ODF2: variants seen among roughly 807,000 people sequenced by gnomAD.
ODF2 encodes the protein outer dense fiber of sperm tails 2.
In ODF2, 47 loss-of-function variants were observed where a neutral mutation model predicts 110.2. The ratio of observed to expected loss-of-function variants is 0.43; its 90% CI spans 0.34 to 0.54. The LOEUF is 0.54. Ranked by LOEUF, ODF2 falls within the 20% of genes least tolerant of loss-of-function variation. The pLI is 0.03. For missense variants in ODF2, 812 were observed against 1,054.5 expected (o/e 0.77, Z 3.19); for synonymous variants, 352 against 397.7 (o/e 0.89, Z 1.37).
chr9:128,460,290 T>C, intron 3 of ODF2: 1 of 1,383,610 alleles, frequency 7.2e-7, no homozygotes, highest in Non-Finnish European at 9.5e-7. Flanking sequence ...TGGGATCTGT[T>C]CTGGAACGGG....
intron 8 of ODF2, among the ~76,000 whole-genome samples, chr9:128,481,354 G>A (rs1364989335): frequency 6.6e-6 from 1 of 151,916 alleles, no homozygotes; most frequent in Non-Finnish European, 1.5e-5. Context: ...GTGCATGCTT[G>A]TTGTTCCAGC....
Position 128,499,982 on chromosome 9 carries a change from C to G in ODF2, c.2302-85C>G. ...ACACTCGCCTCCCCAAACCTCCTGG[C>G]AACTCCTAAGAAAGTCCCTATGTCT... On this transcript the variant is annotated intron_variant, in intron 20 of 20. Transcript: ENST00000604420. The G allele has an allele frequency of 2.7e-6, 4 of 1,468,062 alleles. No individual in the cohort carries two copies. In the South Asian group the frequency reaches 5.0e-5, roughly 18 times the overall value. 90.9% of individuals were successfully genotyped at this position (1,468,062 alleles called of 1,614,324 possible). A position where few individuals can be genotyped will look rare whatever the true frequency, so the allele number is the denominator to read the frequency against.
At chr9:128,496,245 G>A (rs1028396458) in intron 18 of ODF2, 104 bp downstream of exon 18, 4 of 1,560,364 alleles carry the variant, frequency 2.6e-6, no homozygotes, top group Admixed American at 1.9e-5. Flanking sequence ...GGGACTCGAG[G>A]CCCTGGAAGG....
intron 1 of ODF2, chr9:128,457,090 G>C: frequency 7.3e-7 from 1 of 1,362,266 alleles, no homozygotes; most frequent in Non-Finnish European, 9.6e-7. Flanking sequence ...CTCCGCGTGG[G>C]ACCCGGGCGC....
intron 7 of ODF2, 127 bp from the exon 8 acceptor site, chr9:128,473,483 C>T: frequency 6.9e-7 from 1 of 1,459,656 alleles, no homozygotes. Context: ...CCCTTGATCA[C>T]CTTGGCACTG....
intron 7 of ODF2, 49 bp from the exon 8 acceptor site, chr9:128,473,561 T>C (rs753564249): frequency 5.0e-6 from 8 of 1,607,226 alleles, no homozygotes; most frequent in Non-Finnish European, 6.8e-6. Context: ...TGGGGCCTGC[T>C]TCTTCCCTTC....
chr9:128,477,918 A>G (rs568925145), intron 8 of ODF2, among the ~76,000 whole-genome samples: 1 of 152,198 alleles, frequency 6.6e-6, no homozygotes, highest in Admixed American at 6.5e-5. Flanking sequence ...CCAGCTTTTA[A>G]AATAAGTGTC....
At chr9:128,456,071 CG>C (rs562304774), upstream of ODF2, 214 of 1,518,244 alleles carry the variant, frequency 1.4e-4, 2 homozygotes, top group South Asian at 2.0e-3. Flanking sequence ...AAGCGGCTCC[CG>C]GGGGGGTTTG....
intron 4 of ODF2, chr9:128,468,904 A>G (rs1206438116): frequency 1.4e-5 from 5 of 355,242 alleles, no homozygotes; most frequent in East Asian, 5.5e-5. Flanking sequence ...CGGCCTCCCA[A>G]TATACTGGTT....
In ODF2 at chr9:128,494,645, A is replaced by G. The variant is rs772549261; in HGVS notation, c.1888A>G (p.Ile630Val). ...GCGGAAGAACATCGACCTCACAGCC[A>G]TCATATCAGACCTGCGCAGCCGGGT... Residue 630 changes from isoleucine (I) to valine (V), a missense_variant, in exon 17 of 21, where the codon ATC becomes GTC. Transcript: ENST00000604420. This position sits in a 1 kb window ranked among gnomAD's most constrained non-coding sequence, Gnocchi z 4.6. The G allele has an allele frequency of 1.1e-5, 17 of 1,614,056 alleles. No individual in the cohort carries two copies. In the South Asian group the frequency reaches 1.6e-4, roughly 16 times the overall value.
rs928967848 is a variant in ODF2 at position 128,466,010 on chromosome 9, G to A, written c.250-3173G>A. Among the ~76,000 whole-genome samples, 40 of 151,696 alleles carry A rather than the reference G, an allele frequency of 2.6e-4. 1 individual carries two copies. The highest frequency in any genetic ancestry group is 2.3e-3 in the Admixed American group (35 of 15,190). On this transcript the variant is annotated intron_variant, in intron 4 of 20. Coordinates refer to ENST00000604420, the Ensembl canonical transcript of ODF2. ...CAAAAATTACCCTGGCGTGGTGGTCGCGCCACCAATATCAGCTACACAGAA... is the reference window on the plus strand; with the variant it reads ...CAAAAATTACCCTGGCGTGGTGGTCACGCCACCAATATCAGCTACACAGAA...
chr9:128,476,092 C>A (rs1002987040), intron 8 of ODF2, among the ~76,000 whole-genome samples: 1 of 150,258 alleles, frequency 6.7e-6, no homozygotes, highest in Admixed American at 6.7e-5. Context: ...CATTGTGTAT[C>A]TCTACTGCGT....
chr9:128,456,391 C>G (rs532971485), intron 1 of ODF2, 136 bp downstream of exon 1: 1 of 1,444,352 alleles, frequency 6.9e-7, no homozygotes, highest in African/African-American at 1.5e-5. Flanking sequence ...CGCTCGTCCC[C>G]CTCCTGTCAG....
chr9:128,492,422 C>T lies in ODF2; in HGVS notation c.1537-4C>T, dbSNP rs779599961. 1 of 1,610,354 alleles carries T rather than the reference C, an allele frequency of 6.2e-7. No homozygotes were observed. Among genetic ancestry groups the T allele is most frequent in the South Asian group, 1.1e-5 (1 of 90,942 alleles). On this transcript the variant is annotated splice_polypyrimidine_tract_variant and splice_region_variant and intron_variant, in intron 14 of 20. Transcript: ENST00000604420. ...GTGGGTTACTCATGAGCCATCCCTT[C>T]CAGGCCAGCTTTGCTCCAATGGAGG... is the stretch of plus-strand genomic sequence containing the variant.
rs987180632 is a variant in ODF2, at chr9:128,487,814, C to A, written c.1401-76C>A. 2.4e-3 allele frequency: 3,220 copies of A among 1,362,798 alleles called. 10 individuals are homozygous for A. Among genetic ancestry groups the A allele is most frequent in the African/African-American group, 7.2e-3 (481 of 66,702 alleles). The allele number at this position is 1,362,798 out of a possible 1,614,324, so 84.4% of individuals were successfully genotyped here. ...AAAACAAACAAACAAAACACACACACACACACACACACACACACACAAACA... is the reference window on the plus strand; with the variant it reads ...AAAACAAACAAACAAAACACACACAAACACACACACACACACACACAAACA... On this transcript the variant is annotated intron_variant, in intron 13 of 20. Transcript: ENST00000604420.
intron 8 of ODF2, among the ~76,000 whole-genome samples, 160 bp from the exon 9 acceptor site, chr9:128,481,420 T>C (rs572038773): frequency 6.6e-6 from 1 of 150,800 alleles, no homozygotes; most frequent in South Asian, 2.1e-4. Context: ...CAGGCTGCAG[T>C]GAGCCATGAT....
chr9:128,495,499 C>T (rs966212744), intron 17 of ODF2, among the ~76,000 whole-genome samples: 3 of 152,244 alleles, frequency 2.0e-5, no homozygotes, highest in Non-Finnish European at 2.9e-5. Context: ...CTGCCTTCTC[C>T]GTTGAACCTG....
At position 128,460,985 on chromosome 9, in the gene ODF2, G is replaced by A. The variant is rs769951626; in HGVS notation, c.167G>A (p.Arg56Gln). 116 of 1,614,004 alleles carry A rather than the reference G, an allele frequency of 7.2e-5. No homozygotes were observed. In the South Asian group the frequency reaches 9.2e-4, roughly 13 times the overall value. ...ATGAAAGGGGACACTGTGAATGTGC[G>A]GCGGAGTGTCCGGGTGAAAACCAAG... is the stretch of plus-strand genomic sequence containing the variant. Residue 56 changes from arginine (R) to glutamine (Q), a missense_variant, in exon 4 of 21, where the codon CGG (arginine) becomes CAG (glutamine). Around this residue, in one of 5 missense-constraint regions of ODF2, gnomAD observed 121 missense variants for 123.7 expected, o/e 0.98. Transcript: ENST00000604420.
intron 9 of ODF2, among the ~76,000 whole-genome samples, chr9:128,482,218 G>T (rs1176292273): frequency 1.6e-4 from 24 of 152,360 alleles, no homozygotes; most frequent in Admixed American, 1.3e-3. Context: ...GTCTCCAAGA[G>T]AGGGGAGGGA....
Sources: gnomAD v4.1 joint callset for allele counts (sites outside exome capture counted in the v4.1 genomes callset) on GRCh38, gnomAD v4.1.1 for gene constraint, gnomAD v4.1.1 regional missense constraint, Gnocchi (gnomAD v3.1) non-coding constraint, MANE v1.5 for transcripts, NCBI Gene and HGNC (gene_info 2026-07-23, HGNC 2026-07-21) for gene names.